Variants in IPCEF1 observed in about 807,000 individuals in gnomAD.
IPCEF1 encodes the protein interactor protein for cytohesin exchange factors 1.
IPCEF1 carries 31 observed loss-of-function variants against 50.9 expected under a neutral mutation model. The ratio of observed to expected loss-of-function variants is 0.61; its 90% CI spans 0.46 to 0.82. The LOEUF is 0.82. IPCEF1 is among the 40% of genes least tolerant of loss of function. The pLI is 0.00. For missense variants in IPCEF1, 458 were observed against 514.0 expected, an observed-to-expected ratio of 0.89 and a Z score of 1.05; for synonymous variants, 181 against 192.0, an observed-to-expected ratio of 0.94 and a Z score of 0.47.
intron 1 of IPCEF1, among the ~76,000 whole-genome samples, chr6:154,332,179 G>A (rs186189236): frequency 1.3e-5 from 2 of 151,982 alleles, no homozygotes; most frequent in Non-Finnish European, 2.9e-5. Flanking sequence ...TTTTTATTAA[G>A]TCACATGCAG....
At chr6:154,165,386 T>C (rs747990114) in intron 11 of IPCEF1, among the ~76,000 whole-genome samples, 2 of 152,204 alleles carry the variant, frequency 1.3e-5, no homozygotes, top group African/African-American at 2.4e-5. Context: ...CCTTCCAACA[T>C]GAACATGCAC....
intron 11 of IPCEF1, among the ~76,000 whole-genome samples, chr6:154,161,371 T>C (rs1316406860): frequency 6.6e-6 from 1 of 152,000 alleles, no homozygotes; most frequent in East Asian, 1.9e-4. Flanking sequence ...CCACCATGCC[T>C]GGCTAATTTT....
intron 2 of IPCEF1, among the ~76,000 whole-genome samples, chr6:154,276,269 GAGAAAAAAGAAAAGA>G (rs1386300047): frequency 1.0e-4 from 4 of 39,246 alleles, no homozygotes; most frequent in Non-Finnish European, 1.9e-4. Context: ...GAGGAAGAAA[GAGAAAAAAGAAAAGA>G]AAAAAAAAGA....
chr6:154,210,717 G>A (rs1465535965), intron 9 of IPCEF1, among the ~76,000 whole-genome samples: 1 of 152,170 alleles, frequency 6.6e-6, no homozygotes, highest in Admixed American at 6.5e-5. Flanking sequence ...AATATAGTAA[G>A]AAAGAATAAT....
chr6:154,245,864 T>A (rs1780992834), intron 5 of IPCEF1, among the ~76,000 whole-genome samples: 1 of 152,214 alleles, frequency 6.6e-6, no homozygotes, highest in Admixed American at 6.5e-5. Flanking sequence ...TCACGAAAGA[T>A]CAGCACACTT....
intron 5 of IPCEF1, among the ~76,000 whole-genome samples, chr6:154,229,998 A>C (rs1779597531): frequency 6.6e-6 from 1 of 152,190 alleles, no homozygotes; most frequent in African/African-American, 2.4e-5. Context: ...CATTTCTAGG[A>C]AGTGTCCAGA....
chr6:154,171,294 TACTC>T (rs1411509034), intron 10 of IPCEF1, among the ~76,000 whole-genome samples: 7 of 152,264 alleles, frequency 4.6e-5, no homozygotes, highest in African/African-American at 1.7e-4. Flanking sequence ...TTAAAATAAA[TACTC>T]AGTTGTCCAC....
intron 10 of IPCEF1, among the ~76,000 whole-genome samples, chr6:154,195,791 A>ATTT (rs34769762): frequency 1.2e-4 from 16 of 130,572 alleles, no homozygotes; most frequent in Non-Finnish European, 1.6e-4. Flanking sequence ...CTTGTTCACA[A>ATTT]TTTTTTTTTT....
rs2128548228 is a variant in IPCEF1, at chr6:154,162,012, GTTGA to G, written c.1105-1976_1105-1973del. Among the ~76,000 whole-genome samples the G allele has an allele frequency of 2.0e-5, 3 of 152,264 alleles. No homozygotes were observed. The South Asian group carries it at 6.2e-4, about 32-fold the overall frequency. ...CAGCTGATGGCCTTGCTATCTCTTTGTTGAGGAAATGGAAGCCATCAGAAGAGCA... is the reference window on the plus strand; with the variant it reads ...CAGCTGATGGCCTTGCTATCTCTTTGGGAAATGGAAGCCATCAGAAGAGCA... On this transcript the variant is annotated intron_variant, in intron 11 of 11. Transcript: ENST00000367220.
intron 10 of IPCEF1, among the ~76,000 whole-genome samples, chr6:154,177,258 C>A (rs1474305466): frequency 6.6e-6 from 1 of 152,174 alleles, no homozygotes; most frequent in East Asian, 1.9e-4. Context: ...ACACCAAAAG[C>A]AATGGCAACA....
At chr6:154,236,200 A>C (rs1479917625) in intron 5 of IPCEF1, among the ~76,000 whole-genome samples, 1 of 152,222 alleles carries the variant, frequency 6.6e-6, no homozygotes, top group Non-Finnish European at 1.5e-5. Context: ...CATCAAGGGG[A>C]TAAGATTCAG....
chr6:154,216,641 A>G (rs790257), intron 7 of IPCEF1, among the ~76,000 whole-genome samples: 91,670 of 151,968 alleles, frequency 0.6, 28,265 homozygotes, highest in South Asian at 0.76. Context: ...AGGCCAAGGC[A>G]GGTGGATCAT....
At chr6:154,221,100 G>T (rs1312907246) in intron 7 of IPCEF1, among the ~76,000 whole-genome samples, 157 bp downstream of exon 7, 1 of 152,200 alleles carries the variant, frequency 6.6e-6, no homozygotes, top group African/African-American at 2.4e-5. Context: ...TACTAGAGAA[G>T]AAAGCACGAA....
At chr6:154,184,412 G>C (rs948744206) in intron 10 of IPCEF1, among the ~76,000 whole-genome samples, 2 of 152,020 alleles carry the variant, frequency 1.3e-5, no homozygotes, top group African/African-American at 4.8e-5. Flanking sequence ...TAACAAGGTA[G>C]AGCTGCATGT....
chr6:154,170,556 A>G (rs971080735), intron 10 of IPCEF1, among the ~76,000 whole-genome samples: 3 of 152,214 alleles, frequency 2.0e-5, no homozygotes, highest in African/African-American at 7.2e-5. Context: ...CATCAGCACA[A>G]CCTCCTTTTT....
intron 1 of IPCEF1, among the ~76,000 whole-genome samples, chr6:154,295,373 T>C (rs530429618): frequency 1.5e-4 from 23 of 152,336 alleles, no homozygotes; most frequent in African/African-American, 4.8e-4. Flanking sequence ...TGGCTGCTGT[T>C]GACTGCTCTG....
chr6:154,297,547 A>G (rs1490816301), intron 1 of IPCEF1, among the ~76,000 whole-genome samples: 6 of 152,206 alleles, frequency 3.9e-5, no homozygotes, highest in Non-Finnish European at 5.9e-5. Flanking sequence ...TCCACTTTTT[A>G]GAAAACTATG....
rs1044511199 is a variant in IPCEF1, at chr6:154,155,904, C to A, written c.*3924G>T. On this transcript the variant is annotated 3_prime_UTR_variant, in exon 12 of 12. Transcript: ENST00000367220. ...AAATATTTTTTCTTTGAATCTGTTT[C>A]ATCTCTGTGACATTGTTTGTGACTG... is the stretch of plus-strand genomic sequence containing the variant. The A allele has an allele frequency of 6.6e-6, 1 of 152,132 alleles. No homozygotes were observed. The highest frequency in any genetic ancestry group is 1.5e-5 in the Non-Finnish European group (1 of 68,028). 9.4% of individuals were successfully genotyped at this position (152,132 alleles called of 1,614,324 possible).
chr6:154,174,401 T>C (rs958179167), intron 10 of IPCEF1, among the ~76,000 whole-genome samples: 3 of 152,004 alleles, frequency 2.0e-5, no homozygotes, highest in African/African-American at 7.3e-5. Flanking sequence ...TCAAGACCCA[T>C]CAGTGTGCTA....
Sources: gnomAD v4.1 joint callset for allele counts (sites outside exome capture counted in the v4.1 genomes callset) on GRCh38, gnomAD v4.1.1 for gene constraint, MANE v1.5 for transcripts, NCBI Gene and HGNC (gene_info 2026-07-23, HGNC 2026-07-21) for gene names.